The following LRRC7 variants were observed in gnomAD, a reference collection of about 807,000 sequenced individuals.
LRRC7 encodes leucine-rich repeat-containing protein 7.
In LRRC7, 23 loss-of-function variants were observed where a neutral mutation model predicts 175.7. That is an observed-to-expected ratio of 0.13 (90% CI 0.09 to 0.19). The LOEUF is 0.19. LRRC7 is among the 10% of genes least tolerant of loss of function. The probability of loss-of-function intolerance (pLI) is 1.00; values close to 1 mark genes in which losing one functional copy is unlikely to be tolerated. For synonymous variants in LRRC7, 685 were observed against 680.9 expected (o/e 1.01, Z -0.09); for missense variants, 1,354 against 1,904.7 (o/e 0.71, Z 5.38).
intron 3 of LRRC7, among the ~76,000 whole-genome samples, chr1:69,783,547 A>C (rs1674026413): frequency 6.6e-6 from 1 of 152,108 alleles, no homozygotes; most frequent in Non-Finnish European, 1.5e-5. Flanking sequence ...ACCTGAGGTC[A>C]GGAGTTCAAG....
intron 7 of LRRC7, chr1:69,919,618 C>T (rs11802766): frequency 0.033 from 27,356 of 841,366 alleles, 996 homozygotes; most frequent in African/African-American, 0.15. Flanking sequence ...AGCTGATCAG[C>T]GGCTACATCC....
rs139691322 is a variant in LRRC7 at position 69,732,565 on chromosome 1, A to T, written c.101-27626A>T. Reference sequence around the variant, plus strand: ...TGCAAGAGAATTTTTTTTAAGTTTCATATGGACAAGCAGGGACAATAATCT... The same window carrying T: ...TGCAAGAGAATTTTTTTTAAGTTTCTTATGGACAAGCAGGGACAATAATCT... On this transcript the variant is annotated intron_variant, in intron 2 of 26. Coordinates refer to ENST00000651989, the MANE Select transcript of LRRC7 (RefSeq NM_001370785.2). Among the ~76,000 whole-genome samples the T allele has an allele frequency of 4.9e-3, 743 of 152,144 alleles. 8 individuals carry two copies. The highest frequency in any genetic ancestry group is 0.017 in the African/African-American group (699 of 41,556).
rs1571040835 is a variant in LRRC7, at chr1:70,021,040, C to T, written c.1456C>T (p.Leu486=). 2 of 1,612,642 alleles carry T rather than the reference C, an allele frequency of 1.2e-6. No homozygotes were observed. Among genetic ancestry groups the T allele is most frequent in the Non-Finnish European group, 8.5e-7 (1 of 1,178,940 alleles). The change falls in exon 16 of 27, where the codon CTG becomes TTG. Residue 486 remains leucine (L), a synonymous_variant. Transcript: ENST00000651989. The part of the protein sequence containing the change: ...QSDSDSFNPT[L]WEEQRQQRMT... The stretch of plus-strand genomic sequence containing the variant: ...AGACAGTGACAGCTTTAACCCTACA[C>T]TGTGGGAAGAGCAGAGACAACAACG...
chr1:69,734,727 CTTTCTA>C (rs1053913179), intron 2 of LRRC7, among the ~76,000 whole-genome samples: 2 of 151,726 alleles, frequency 1.3e-5, no homozygotes, highest in Non-Finnish European at 3.0e-5. Context: ...GAATTCCTTA[CTTTCTA>C]TTTCTTTACT....
chr1:69,824,609 G>A (rs1679683524), intron 4 of LRRC7, among the ~76,000 whole-genome samples: 1 of 152,080 alleles, frequency 6.6e-6, no homozygotes. Flanking sequence ...CAGTGGATAA[G>A]TGACCTGTCC....
At chr1:69,750,073 T>TAAA (rs1669685904) in intron 2 of LRRC7, among the ~76,000 whole-genome samples, 8 of 100,598 alleles carry the variant, frequency 8.0e-5, no homozygotes, top group African/African-American at 3.8e-4. Context: ...AATAAATAAA[T>TAAA]AAATAAATAA....
rs1670901889 is a variant in LRRC7, at chr1:69,760,318, A to G, written c.228A>G (p.Pro76=). 1 of 1,612,888 alleles carries G rather than the reference A, an allele frequency of 6.2e-7. No individual in the cohort carries two copies. The highest frequency in any genetic ancestry group is 1.1e-5 in the South Asian group (1 of 91,064). The part of the protein sequence containing the change: ...DYSHCSLQQV[P]KEVFNFERTL... ...CCCACTGCAGTCTTCAGCAGGTGCC[A>G]AAGGAGGTCTTTAACTTCGAACGAA... is the stretch of plus-strand genomic sequence containing the variant. Residue 76 remains proline (P), a synonymous_variant, in exon 3 of 27, where the codon CCA becomes CCG. Transcript: ENST00000651989.
intron 4 of LRRC7, among the ~76,000 whole-genome samples, chr1:69,824,302 G>A (rs1464926020): frequency 6.6e-6 from 1 of 152,118 alleles, no homozygotes; most frequent in East Asian, 1.9e-4. Context: ...AGAATTTTAT[G>A]GGAAAATGTT....
rs369847245 is a variant in LRRC7, at chr1:69,901,054, T to C, written c.648-30453T>C. ...ATATTGAGGAATTTAGACTTTTTCTTTAAATAATTGTATTTCTGAGCCCAG... is the reference window on the plus strand; with the variant it reads ...ATATTGAGGAATTTAGACTTTTTCTCTAAATAATTGTATTTCTGAGCCCAG... On this transcript the variant is annotated intron_variant, in intron 7 of 26. Coordinates refer to ENST00000651989, the MANE Select transcript of LRRC7 (RefSeq NM_001370785.2). 3.3e-5 allele frequency among the ~76,000 whole-genome samples: 5 copies of C among 152,326 alleles called. No individual in the cohort carries two copies. The East Asian group carries it at 9.7e-4, about 29-fold the overall frequency.
chr1:70,144,166 T>C lies in LRRC7; in HGVS notation c.*22279T>C, dbSNP rs939117535. On this transcript the variant is annotated 3_prime_UTR_variant, in exon 27 of 27. Coordinates refer to ENST00000651989, the MANE Select transcript of LRRC7 (RefSeq NM_001370785.2). ...GTACTGACACTAATTGGTAAAGGTG[T>C]ACAATGTGATTAGAATGCATTTTGA... The C allele has an allele frequency of 3.3e-5, 5 of 152,212 alleles. No individual in the cohort carries two copies. Among genetic ancestry groups the C allele is most frequent in the Non-Finnish European group, 7.3e-5 (5 of 68,028 alleles). The allele number at this position is 152,212 out of a possible 1,614,324, so 9.4% of individuals were successfully genotyped here.
chr1:69,598,373 A>G (rs961560336), intron 1 of LRRC7, among the ~76,000 whole-genome samples: 1 of 152,160 alleles, frequency 6.6e-6, no homozygotes, highest in Non-Finnish European at 1.5e-5. Context: ...ATGAATATAT[A>G]TATTTAGATA....
chr1:69,919,956 G>A (rs1022260024), intron 7 of LRRC7: 4 of 583,664 alleles, frequency 6.9e-6, no homozygotes, highest in Non-Finnish European at 1.2e-5. Context: ...ATGGCTGGGA[G>A]GGGGCCCTTC....
chr1:69,961,169 G>C (rs904333679), intron 8 of LRRC7, among the ~76,000 whole-genome samples: 5 of 152,074 alleles, frequency 3.3e-5, no homozygotes, highest in African/African-American at 4.8e-5. Flanking sequence ...AAAATCACTA[G>C]CTCCTCTATA....
rs547661235 is a variant in LRRC7, at chr1:70,129,024, T to C, written c.*7137T>C. Among the ~76,000 whole-genome samples, 1 of 152,080 alleles carries C rather than the reference T, an allele frequency of 6.6e-6. No individual in the cohort carries two copies. Among genetic ancestry groups the C allele is most frequent in the South Asian group, 2.1e-4 (1 of 4,808 alleles). On this transcript the variant is annotated 3_prime_UTR_variant, in exon 27 of 27. Transcript: ENST00000651989. ...ACTTAGGGAGGCCGAGGCAGGTGGA[T>C]CACTTGAGGTCAGGAATTGGATACC...
chr1:70,022,297 T>C (rs1348641225), intron 16 of LRRC7: 1 of 152,156 alleles, frequency 6.6e-6, no homozygotes. Flanking sequence ...GGATTTTGTA[T>C]GTTAAATCCA....
intron 7 of LRRC7, among the ~76,000 whole-genome samples, chr1:69,917,856 C>T (rs1040328946): frequency 2.6e-5 from 4 of 152,248 alleles, no homozygotes; most frequent in East Asian, 1.9e-4. Context: ...AGATTATGTG[C>T]ATAATGCTAT....
chr1:69,834,691 C>T, intron 5 of LRRC7, 89 bp from the exon 6 acceptor site: 1 of 955,704 alleles, frequency 1.0e-6, no homozygotes, highest in Non-Finnish European at 1.7e-6. Flanking sequence ...TATTACATTT[C>T]TATTTTTTCT....
Position 70,036,444 on chromosome 1 carries a change from A to G in LRRC7, c.2108A>G (p.Glu703Gly), listed in dbSNP as rs753119568. The G allele has an allele frequency of 3.6e-5, 57 of 1,604,450 alleles. No homozygotes were observed. The highest frequency in any genetic ancestry group is 5.1e-6 in the Non-Finnish European group (6 of 1,176,890). The stretch of plus-strand genomic sequence containing the variant: ...TAACATTTTCCCCTTTAAATTTCAG[A>G]ATCAACTGATGAGTCTGAAGTTGAC... ...KLVLLGKDKK[E>G]STDESEVDKT... The change falls in exon 20 of 27, where the codon GAA (glutamate) becomes GGA (glycine). Residue 703 changes from glutamate (E) to glycine (G), a missense_variant and splice_region_variant. This residue lies in a region of LRRC7 where 1,032 missense variants were observed against 1,227.2 expected (regional missense o/e 0.84). Transcript: ENST00000651989.
At chr1:70,030,041 C>T (rs1251994922) in intron 18 of LRRC7, among the ~76,000 whole-genome samples, 2 of 152,086 alleles carry the variant, frequency 1.3e-5, no homozygotes, top group Admixed American at 1.3e-4. Context: ...CTTCCTATCT[C>T]TTCCAAATAA....
Sources: allele counts gnomAD v4.1 joint callset (sites outside exome capture counted in the v4.1 genomes callset), GRCh38; gene constraint gnomAD v4.1.1; regional missense constraint gnomAD v4.1.1; transcripts MANE v1.5; gene names NCBI Gene and HGNC (gene_info 2026-07-23, HGNC 2026-07-21).